TSPEAR: variants seen among roughly 807,000 people sequenced by gnomAD.
TSPEAR encodes the protein thrombospondin type laminin G domain and EAR repeats.
TSPEAR carries 69 observed loss-of-function variants against 71.6 expected under a neutral mutation model. The observed-to-expected ratio is 0.96, with a 90% confidence interval of 0.79 to 1.18. TSPEAR has a LOEUF of 1.18. TSPEAR is among the 50% of genes most tolerant of loss of function. The pLI is 0.00. For synonymous variants in TSPEAR, 402 were observed against 387.2 expected, an observed-to-expected ratio of 1.04 and a Z score of -0.45; for missense variants, 971 against 894.9, an observed-to-expected ratio of 1.09 and a Z score of -1.09.
chr21:44,550,087 C>G lies in TSPEAR; in HGVS notation c.304-16164G>C, dbSNP rs587748499. On this transcript the variant is annotated intron_variant, in intron 2 of 11. Transcript: ENST00000323084. ...GCCATGGGAAGGAGCTGCTTCTACC[C>G]ACAGTGCGTGGGGCGTTGGCCTGAG... Among the ~76,000 whole-genome samples the G allele has an allele frequency of 6.6e-5, 10 of 152,382 alleles. No individual in the cohort carries two copies. The East Asian group carries it at 1.7e-3, about 26-fold the overall frequency.
intron 1 of TSPEAR, among the ~76,000 whole-genome samples, chr21:44,635,345 C>CA (rs56054652): frequency 0.45 from 38,055 of 83,870 alleles, 8,682 homozygotes; most frequent in East Asian, 0.59. Flanking sequence ...GACTCTGTCT[C>CA]AAAAAAAAAA....
chr21:44,645,647 C>T (rs1472079766), intron 1 of TSPEAR, among the ~76,000 whole-genome samples: 1 of 152,124 alleles, frequency 6.6e-6, no homozygotes, highest in Non-Finnish European at 1.5e-5. Flanking sequence ...TCACCACGCT[C>T]AGCCAGCTTC....
intron 6 of TSPEAR, among the ~76,000 whole-genome samples, 178 bp downstream of exon 6, chr21:44,528,274 C>T (rs1400555442): frequency 6.6e-6 from 1 of 152,174 alleles, no homozygotes; most frequent in Non-Finnish European, 1.5e-5. Flanking sequence ...CTGCCCGCTG[C>T]TTGCTTTGGG....
intron 2 of TSPEAR, among the ~76,000 whole-genome samples, chr21:44,538,315 C>T (rs2053127808): frequency 6.6e-6 from 1 of 152,034 alleles, no homozygotes; most frequent in Non-Finnish European, 1.5e-5. Context: ...ATGCTCCCCG[C>T]GTGGACCAAG....
chr21:44,711,185 G>A lies in TSPEAR; in HGVS notation c.82+248C>T, dbSNP rs781903055. 7.9e-5 allele frequency among the ~76,000 whole-genome samples: 12 copies of A among 152,156 alleles called. No homozygotes were observed. Among genetic ancestry groups the A allele is most frequent in the Non-Finnish European group, 1.5e-4 (10 of 68,046 alleles). ...GGCTGCTGGTTAGCTCTTGAAGCTC[G>A]TCCCCACCCTGCGTGCGTTCTAAAG... On this transcript the variant is annotated intron_variant, in intron 1 of 11. Transcript: ENST00000323084. This position sits in a 1 kb window ranked among gnomAD's most constrained non-coding sequence, Gnocchi z 4.5.
intron 1 of TSPEAR, among the ~76,000 whole-genome samples, chr21:44,631,065 A>ATT (rs36105180): frequency 8.2e-6 from 1 of 122,676 alleles, no homozygotes; most frequent in Non-Finnish European, 1.8e-5. Flanking sequence ...TGTATGGTTC[A>ATT]TTCGCAGTAA....
chr21:44,631,917 G>A (rs1845401966), intron 1 of TSPEAR, among the ~76,000 whole-genome samples: 1 of 152,120 alleles, frequency 6.6e-6, no homozygotes, highest in Admixed American at 6.5e-5. Context: ...GGTGCCTGGG[G>A]GGAGGAGGAG....
chr21:44,580,504 G>A (rs1335580559), intron 1 of TSPEAR: 1 of 1,613,536 alleles, frequency 6.2e-7, no homozygotes, highest in Non-Finnish European at 8.5e-7. Context: ...GCTCACAGCA[G>A]CTCTCTGGGC....
intron 1 of TSPEAR, chr21:44,658,317 A>T: frequency 6.4e-7 from 1 of 1,566,422 alleles, no homozygotes; most frequent in Non-Finnish European, 8.7e-7. Flanking sequence ...TCCCTCCGTG[A>T]ATAAGCATCT....
rs75399200 is a variant in TSPEAR at position 44,558,291 on chromosome 21, C to T, written c.303+9494G>A. 174 of 1,614,112 alleles carry T rather than the reference C, an allele frequency of 1.1e-4. No individual in the cohort carries two copies. The highest frequency in any genetic ancestry group is 6.0e-4 in the Admixed American group (36 of 60,024). ...GGAGGTGGTGCAGCAAGCCGGCTGG[C>T]GGCTAGACTGCTGGCAGCATGAAGA... On this transcript the variant is annotated intron_variant, in intron 2 of 11. Coordinates refer to ENST00000323084, the MANE Select transcript of TSPEAR (RefSeq NM_144991.3).
chr21:44,545,008 C>T (rs1318509404), intron 2 of TSPEAR, among the ~76,000 whole-genome samples: 2 of 151,262 alleles, frequency 1.3e-5, no homozygotes, highest in African/African-American at 4.9e-5. Context: ...CATCAATGAG[C>T]CATTCTCTGT....
rs1448909797 is a variant in TSPEAR at position 44,710,870 on chromosome 21, G to A, written c.82+563C>T. 6.6e-6 allele frequency among the ~76,000 whole-genome samples: 1 copy of A among 152,230 alleles called. No individual in the cohort carries two copies. Among genetic ancestry groups the A allele is most frequent in the African/African-American group, 2.4e-5 (1 of 41,464 alleles). On this transcript the variant is annotated intron_variant, in intron 1 of 11. Coordinates refer to ENST00000323084, the MANE Select transcript of TSPEAR (RefSeq NM_144991.3). This position sits in a 1 kb window ranked among gnomAD's most constrained non-coding sequence, Gnocchi z 4.6. ...AGGACCCCCCAGTGAGCCAGCCCAG[G>A]GCTCTCCACTCAGACCAGATTACGC...
rs782757995 is a variant in TSPEAR at position 44,658,264 on chromosome 21, C to A, written c.82+53169G>T. On this transcript the variant is annotated intron_variant, in intron 1 of 11. Transcript: ENST00000323084. The stretch of plus-strand genomic sequence containing the variant: ...CCATCTCCTGCAGCACCCCTTCCTG[C>A]TGCTGACCAGCTGCTCCTGGTACAC... 1.3e-5 allele frequency: 21 copies of A among 1,613,106 alleles called. No individual in the cohort carries two copies. The Admixed American group carries it at 3.3e-4, about 26-fold the overall frequency.
chr21:44,646,228 C>A lies in TSPEAR; in HGVS notation c.82+65205G>T, dbSNP rs587645769. ...GAAACAGAGCCCTGCGACATACATA[C>A]CAGTTTAATAAGGGAAAAACAAAGA... On this transcript the variant is annotated intron_variant, in intron 1 of 11. Transcript: ENST00000323084. 4.7e-5 allele frequency among the ~76,000 whole-genome samples: 7 copies of A among 149,742 alleles called. No homozygotes were observed. In the East Asian group the frequency reaches 9.8e-4, roughly 21 times the overall value.
At chr21:44,669,162 C>T (rs782706775) in intron 1 of TSPEAR, among the ~76,000 whole-genome samples, 6 of 152,284 alleles carry the variant, frequency 3.9e-5, no homozygotes, top group African/African-American at 7.2e-5. Flanking sequence ...AGGTGGCTCA[C>T]GCCTGTAATC....
intron 11 of TSPEAR, among the ~76,000 whole-genome samples, chr21:44,504,486 G>GCAGCTCA: frequency 6.8e-6 from 1 of 146,132 alleles, no homozygotes; most frequent in Admixed American, 6.7e-5. Flanking sequence ...GCCGGCCTCG[G>GCAGCTCA]TGAGCCCACA....
intron 2 of TSPEAR, chr21:44,558,495 G>C (rs1371695296): frequency 6.2e-7 from 1 of 1,613,978 alleles, no homozygotes; most frequent in East Asian, 2.2e-5. Context: ...GGGCGTGCAG[G>C]AGCTGGTGCA....
At chr21:44,538,544 C>A (rs1463812055) in intron 2 of TSPEAR, among the ~76,000 whole-genome samples, 2 of 151,952 alleles carry the variant, frequency 1.3e-5, no homozygotes, top group African/African-American at 4.8e-5. Context: ...TGCGCAGGTG[C>A]AGCAGCCCCT....
chr21:44,665,092 C>T (rs773958906), intron 1 of TSPEAR, among the ~76,000 whole-genome samples: 4 of 152,172 alleles, frequency 2.6e-5, no homozygotes, highest in Admixed American at 6.5e-5. Flanking sequence ...CGAATGTGTT[C>T]GGCTGCAAGC....
Sources: gnomAD v4.1 joint callset for allele counts (sites outside exome capture counted in the v4.1 genomes callset) on GRCh38, gnomAD v4.1.1 for gene constraint, Gnocchi (gnomAD v3.1) non-coding constraint, MANE v1.5 for transcripts, NCBI Gene and HGNC (gene_info 2026-07-23, HGNC 2026-07-21) for gene names.